The following ATRX variants were observed in gnomAD, a reference collection of about 807,000 sequenced individuals.
ATRX encodes the protein ATRX chromatin remodeler.
Under a neutral mutation model 172.6 loss-of-function variants are expected in ATRX, and 12 were observed. That is an observed-to-expected ratio of 0.07 (90% confidence interval 0.04 to 0.11). ATRX has a LOEUF of 0.11. Ranked by LOEUF, ATRX falls within the 10% of genes least tolerant of loss-of-function variation. ATRX has a pLI of 1.00. For missense variants in ATRX, 1,368 were observed against 1,767.4 expected, an observed-to-expected ratio of 0.77 and a Z score of 4.05; for synonymous variants, 674 against 594.7, an observed-to-expected ratio of 1.13 and a Z score of -1.94.
At chrX:77,742,022 T>A (rs1335577592) in intron 1 of ATRX, among the ~76,000 whole-genome samples, 1 of 110,070 alleles carries the variant, frequency 9.1e-6, no homozygotes, top group Non-Finnish European at 1.9e-5. Flanking sequence ...GAGGGTTTTA[T>A]TTTTTTTTGG....
chrX:77,508,420 T>C lies in ATRX; in HGVS notation c.7410A>G (p.Pro2470=). ...TTGGGGGTGGTGCACGCTGTAATGG[T>C]GGTGGCTGCATACCACCAGCCACTG... The part of the protein sequence containing the change: ...YQPVAGGMQP[P]PLQRAPPPMR... The change falls in exon 35 of 35, where the codon CCA becomes CCG. Residue 2470 remains proline, a synonymous_variant. Transcript: ENST00000373344. The C allele has an allele frequency of 8.3e-7, 1 of 1,211,471 alleles. No individual in the cohort carries two copies. Among genetic ancestry groups the C allele is most frequent in the Non-Finnish European group, 1.1e-6 (1 of 895,105 alleles).
intron 1 of ATRX, among the ~76,000 whole-genome samples, chrX:77,731,085 TAAAAAAAAAAA>T (rs782512439): frequency 1.7e-3 from 81 of 48,562 alleles, no homozygotes; most frequent in African/African-American, 5.6e-3. Flanking sequence ...TTGGCCAGAG[TAAAAAAAAAAA>T]AAGAAAAAAA....
intron 1 of ATRX, among the ~76,000 whole-genome samples, chrX:77,738,192 G>A (rs372807508): frequency 8.2e-4 from 89 of 108,209 alleles, no homozygotes; most frequent in African/African-American, 1.8e-3. Context: ...TAAATTAGCC[G>A]GCTGTGGTGG....
At chrX:77,694,341 C>T (rs782724525) in intron 5 of ATRX, among the ~76,000 whole-genome samples, 12 of 111,309 alleles carry the variant, frequency 1.1e-4, no homozygotes, top group African/African-American at 3.3e-4. Context: ...TAAAGACATC[C>T]TATTTTCATA....
rs782623358 is a variant in ATRX at position 77,773,154 on chromosome X, T to TTAC, written c.20+12827_20+12828insGTA. Among the ~76,000 whole-genome samples the TTAC allele has an allele frequency of 1.2e-4, 12 of 100,985 alleles. No individual in the cohort carries two copies. The East Asian group carries it at 3.8e-3, about 32-fold the overall frequency. 87.7% of individuals were successfully genotyped at this position (100,985 alleles called of 115,157 possible). ...TCAACAAGCTATGTTGGATGCACTATAGTATAGTCAGCCTTTGAAGGAAAT... is the reference window on the plus strand; with the variant it reads ...TCAACAAGCTATGTTGGATGCACTATTACAGTATAGTCAGCCTTTGAAGGAAAT... On this transcript the variant is annotated intron_variant, in intron 1 of 34. Coordinates refer to ENST00000373344, the MANE Select transcript of ATRX (RefSeq NM_000489.6).
intron 1 of ATRX, among the ~76,000 whole-genome samples, chrX:77,726,000 T>C (rs1207297452): frequency 3.6e-5 from 4 of 111,473 alleles, no homozygotes; most frequent in East Asian, 2.8e-4. Flanking sequence ...TGTGGAGAAA[T>C]AGGAACACTT....
intron 22 of ATRX, among the ~76,000 whole-genome samples, chrX:77,610,242 C>A (rs1247929163): frequency 8.9e-6 from 1 of 112,025 alleles, no homozygotes; most frequent in East Asian, 2.8e-4. Flanking sequence ...GTATAATTGT[C>A]CTGGCCAGAA....
Position 77,599,964 on chromosome X carries a change from G to T in ATRX, c.5698-144C>A, listed in dbSNP as rs2066614019. On this transcript the variant is annotated intron_variant, in intron 23 of 34. Coordinates refer to ENST00000373344, the MANE Select transcript of ATRX (RefSeq NM_000489.6). ...ATTACAGATTTTAGTAGACAAAGAA[G>T]ACAGGACAGATATGCTTACTAAATG... The T allele has an allele frequency of 2.1e-5, 11 of 516,047 alleles. No individual in the cohort carries two copies. The Admixed American group carries it at 2.2e-4, about 10-fold the overall frequency. The allele number at this position is 516,047 out of a possible 1,213,427, so 42.5% of individuals were successfully genotyped here.
At chrX:77,685,594 T>C (rs1246664538) in intron 7 of ATRX, among the ~76,000 whole-genome samples, 1 of 112,030 alleles carries the variant, frequency 8.9e-6, no homozygotes. Flanking sequence ...TTGGTAGGAA[T>C]GTAAATGAGT....
intron 30 of ATRX, among the ~76,000 whole-genome samples, chrX:77,536,868 C>T (rs1290126562): frequency 9.0e-6 from 1 of 111,251 alleles, no homozygotes; most frequent in African/African-American, 3.3e-5. Flanking sequence ...CGTGCACACA[C>T]ACCAAAAAAA....
intron 30 of ATRX, among the ~76,000 whole-genome samples, chrX:77,555,441 G>A (rs782261931): frequency 1.1e-4 from 12 of 111,620 alleles, no homozygotes; most frequent in Non-Finnish European, 2.1e-4. Context: ...CAATAGCAAA[G>A]ACCTGGAACC....
chrX:77,642,276 A>C (rs187191431), intron 15 of ATRX, among the ~76,000 whole-genome samples: 1 of 111,977 alleles, frequency 8.9e-6, no homozygotes, highest in Admixed American at 9.5e-5. Flanking sequence ...GGATAAACAA[A>C]GAAAATAAAA....
Position 77,718,625 on chromosome X carries a change from C to T in ATRX, c.21-1382G>A, listed in dbSNP as rs1034059851. On this transcript the variant is annotated intron_variant, in intron 1 of 34. Coordinates refer to ENST00000373344, the MANE Select transcript of ATRX (RefSeq NM_000489.6). ...TCCTGACCTCGTGATCCACCCATCT[C>T]GGCCTCCCAAAGTGCTGGGATTACA... 8.1e-5 allele frequency among the ~76,000 whole-genome samples: 9 copies of T among 111,120 alleles called. No homozygotes were observed. In the East Asian group the frequency reaches 8.5e-4, roughly 11 times the overall value.
At chrX:77,574,073 A>G (rs782333517) in intron 28 of ATRX, among the ~76,000 whole-genome samples, 177 bp downstream of exon 28, 2 of 111,780 alleles carry the variant, frequency 1.8e-5, no homozygotes, top group East Asian at 5.5e-4. Flanking sequence ...AAAGGCTACA[A>G]ATTATATGAT....
intron 26 of ATRX, among the ~76,000 whole-genome samples, chrX:77,593,041 C>A (rs1279112474): frequency 9.3e-6 from 1 of 107,496 alleles, no homozygotes; most frequent in Non-Finnish European, 1.9e-5. Flanking sequence ...CTGGGCAACA[C>A]GGTGAAACCC....
rs5913680 is a variant in ATRX, at chrX:77,582,414, A to T, written c.6217+7420T>A. Among the ~76,000 whole-genome samples, 27 of 111,155 alleles carry T rather than the reference A, an allele frequency of 2.4e-4. 1 individual carries two copies. Among genetic ancestry groups the T allele is most frequent in the Admixed American group, 9.6e-5 (1 of 10,409 alleles). The stretch of plus-strand genomic sequence containing the variant: ...GACCTTGTCTCAAAAAAAAAGAAAA[A>T]AAAAACAAAAAAGAAGAGAAGAGAA... On this transcript the variant is annotated intron_variant, in intron 27 of 34. Transcript: ENST00000373344.
intron 22 of ATRX, among the ~76,000 whole-genome samples, chrX:77,612,218 C>A (rs183867100): frequency 9.0e-6 from 1 of 111,328 alleles, no homozygotes; most frequent in South Asian, 3.7e-4. Context: ...GTAGATGCAT[C>A]GGCCCTACTC....
chrX:77,610,522 G>A (rs1047925853), intron 22 of ATRX, among the ~76,000 whole-genome samples: 15 of 111,632 alleles, frequency 1.3e-4, no homozygotes, highest in African/African-American at 4.9e-4. Context: ...AAAACAGAGA[G>A]AAGGGGATAG....
chrX:77,591,389 T>C (rs1317899913), intron 26 of ATRX, among the ~76,000 whole-genome samples: 1 of 112,277 alleles, frequency 8.9e-6, no homozygotes, highest in Non-Finnish European at 1.9e-5. Flanking sequence ...TAGATCAGTA[T>C]ATAAGAAACA....
Sources: allele counts gnomAD v4.1 joint callset (sites outside exome capture counted in the v4.1 genomes callset), GRCh38; gene constraint gnomAD v4.1.1; transcripts MANE v1.5; gene names NCBI Gene and HGNC (gene_info 2026-07-23, HGNC 2026-07-21).